FBXO31: variants seen among roughly 807,000 people sequenced by gnomAD.
FBXO31 encodes F-box only protein 31.
A neutral mutation model predicts 54.4 loss-of-function variants in FBXO31; 24 were observed. The ratio of observed to expected loss-of-function variants is 0.44; its 90% CI spans 0.32 to 0.62. The LOEUF (loss-of-function observed/expected upper bound fraction) is 0.62, where lower values mean the gene tolerates loss of function less well. Ranked by LOEUF, FBXO31 falls within the 20% of genes least tolerant of loss-of-function variation. The pLI, the probability that FBXO31 is intolerant of heterozygous loss-of-function variation, is 0.05. For synonymous variants in FBXO31, 388 were observed against 335.6 expected, an observed-to-expected ratio of 1.16 and a Z score of -1.71; for missense variants, 665 against 787.1, an observed-to-expected ratio of 0.84 and a Z score of 1.86.
chr16:87,367,764 C>G (rs1466224938), intron 1 of FBXO31: 1 of 152,152 alleles, frequency 6.6e-6, no homozygotes, highest in Non-Finnish European at 1.5e-5. Flanking sequence ...GCGCCAACGG[C>G]CAGATGGGTG....
intron 2 of FBXO31, among the ~76,000 whole-genome samples, chr16:87,356,354 T>A (rs1359620359): frequency 1.3e-5 from 2 of 152,182 alleles, no homozygotes; most frequent in Admixed American, 6.5e-5. Context: ...CCTCACTGAC[T>A]GCTCAGAGGA....
intron 1 of FBXO31, among the ~76,000 whole-genome samples, chr16:87,372,732 CT>C (rs540984671): frequency 0.064 from 8,291 of 129,664 alleles, 726 homozygotes; most frequent in African/African-American, 0.23. Flanking sequence ...GGTTAATTTC[CT>C]TTTTTTTTTT....
chr16:87,385,629 GT>G (rs1235022986), upstream of FBXO31, among the ~76,000 whole-genome samples: 1 of 152,208 alleles, frequency 6.6e-6, no homozygotes, highest in Non-Finnish European at 1.5e-5. Flanking sequence ...ATGATCAAAG[GT>G]TCTTTGAGGA....
In FBXO31 at chr16:87,358,057, T is replaced by C. The variant is rs1054365111; in HGVS notation, c.412+2238A>G. Among the ~76,000 whole-genome samples, 1 of 152,240 alleles carries C rather than the reference T, an allele frequency of 6.6e-6. No individual in the cohort carries two copies. Among genetic ancestry groups the C allele is most frequent in the Admixed American group, 6.5e-5 (1 of 15,280 alleles). On this transcript the variant is annotated intron_variant, in intron 2 of 8. Transcript: ENST00000311635. This position sits in a 1 kb window ranked among gnomAD's most constrained non-coding sequence, Gnocchi z 4.0. ...GAAGTCAAATATTCATATTTCACTTTAGAATAAAATTTTAAAGCTTCTACT... is the reference window on the plus strand; with the variant it reads ...GAAGTCAAATATTCATATTTCACTTCAGAATAAAATTTTAAAGCTTCTACT...
intron 3 of FBXO31, among the ~76,000 whole-genome samples, chr16:87,344,330 C>G (rs922514613): frequency 1.3e-5 from 2 of 152,244 alleles, no homozygotes; most frequent in African/African-American, 4.8e-5. Flanking sequence ...CCGGGAGGGG[C>G]GCTCAGGAGC....
chr16:87,332,313 G>T (rs1904886521), intron 8 of FBXO31, among the ~76,000 whole-genome samples: 1 of 152,186 alleles, frequency 6.6e-6, no homozygotes, highest in Non-Finnish European at 1.5e-5. Context: ...AAACTAGACA[G>T]GGAAGGGCCC....
upstream of FBXO31, chr16:87,391,983 G>A (rs895361377): frequency 1.8e-5 from 3 of 162,276 alleles, no homozygotes; most frequent in East Asian, 5.3e-4. Flanking sequence ...CCCGCCTGTG[G>A]CTCAGCCTCC....
intron 1 of FBXO31, among the ~76,000 whole-genome samples, chr16:87,365,133 C>T (rs964599418): frequency 4.8e-5 from 7 of 147,054 alleles, no homozygotes; most frequent in African/African-American, 5.1e-5. Context: ...TGCTTTAAGG[C>T]GAGATTCAAA....
chr16:87,360,425 G>T, intron 1 of FBXO31, 59 bp from the exon 2 acceptor site: 1 of 1,498,884 alleles, frequency 6.7e-7, no homozygotes, highest in South Asian at 1.1e-5. Flanking sequence ...CGACAGACGT[G>T]GGCAGGCTGC....
Position 87,351,547 on chromosome 16 carries a change from C to T in FBXO31, c.413-4297G>A, listed in dbSNP as rs1031973181. On this transcript the variant is annotated intron_variant, in intron 2 of 8. Coordinates refer to ENST00000311635, the MANE Select transcript of FBXO31 (RefSeq NM_024735.5). ...TCGAGGGCTCACTTCTGGGCAGCTG[C>T]CACATTATCTTCCCATATGAAATAG... 2.6e-5 allele frequency among the ~76,000 whole-genome samples: 4 copies of T among 152,220 alleles called. No homozygotes were observed. In the South Asian group the frequency reaches 8.3e-4, roughly 32 times the overall value.
chr16:87,371,632 G>C (rs964101472), intron 1 of FBXO31, among the ~76,000 whole-genome samples: 1 of 152,278 alleles, frequency 6.6e-6, no homozygotes, highest in Non-Finnish European at 1.5e-5. Flanking sequence ...GGACACACTT[G>C]TTTTTTGAGA....
intron 1 of FBXO31, among the ~76,000 whole-genome samples, chr16:87,379,613 T>C (rs1906984244): frequency 6.6e-6 from 1 of 152,198 alleles, no homozygotes; most frequent in Non-Finnish European, 1.5e-5. Flanking sequence ...GGAAGTCACC[T>C]AGCTGCTCTT....
intron 1 of FBXO31, among the ~76,000 whole-genome samples, chr16:87,376,887 G>C (rs1049267449): frequency 9.8e-5 from 15 of 152,288 alleles, no homozygotes; most frequent in South Asian, 2.1e-4. Context: ...TGAAGTTTCA[G>C]GGCTCAGAAA....
At chr16:87,361,424 C>G (rs1216219219) in intron 1 of FBXO31, among the ~76,000 whole-genome samples, 1 of 152,206 alleles carries the variant, frequency 6.6e-6, no homozygotes, top group African/African-American at 2.4e-5. Context: ...GGCTGGGTCT[C>G]CACATGGACC....
upstream of FBXO31, among the ~76,000 whole-genome samples, chr16:87,388,511 A>G (rs1907403802): frequency 6.6e-6 from 1 of 152,208 alleles, no homozygotes; most frequent in Non-Finnish European, 1.5e-5. Flanking sequence ...CAGAAAGAGG[A>G]GAGGAGGGAG....
chr16:87,334,630 C>T (rs1904984547), intron 7 of FBXO31, among the ~76,000 whole-genome samples: 1 of 152,248 alleles, frequency 6.6e-6, no homozygotes, highest in South Asian at 2.1e-4. Context: ...ATGCGTCAGC[C>T]CCAAAACTCC....
At chr16:87,368,095 T>A (rs1360556808) in intron 1 of FBXO31, 1 of 152,170 alleles carries the variant, frequency 6.6e-6, no homozygotes, top group Non-Finnish European at 1.5e-5. Flanking sequence ...TAATACCAAG[T>A]AGGAGATGAA....
rs1378178141 is a variant in FBXO31, at chr16:87,335,996, G to C, written c.842+159C>G. On this transcript the variant is annotated intron_variant, in intron 6 of 8. Coordinates refer to ENST00000311635, the MANE Select transcript of FBXO31 (RefSeq NM_024735.5). The surrounding 1 kb of genome is among the most constrained non-coding windows in gnomAD (Gnocchi z 5.7). Reference sequence around the variant, plus strand: ...GCGAACTATGCTCCAAGCACCCAGAGAGAGAGGGGCTGTACTCCCAGCCCC... The same window carrying C: ...GCGAACTATGCTCCAAGCACCCAGACAGAGAGGGGCTGTACTCCCAGCCCC... Among the ~76,000 whole-genome samples, 1 of 152,094 alleles carries C rather than the reference G, an allele frequency of 6.6e-6. No individual in the cohort carries two copies. Among genetic ancestry groups the C allele is most frequent in the Non-Finnish European group, 1.5e-5 (1 of 68,002 alleles).
intron 2 of FBXO31, among the ~76,000 whole-genome samples, chr16:87,347,924 C>G (rs1406636054): frequency 6.6e-6 from 1 of 152,168 alleles, no homozygotes; most frequent in Non-Finnish European, 1.5e-5. Context: ...TAAAGCTATC[C>G]CAACAATGAC....
Sources: gnomAD v4.1 joint callset for allele counts (sites outside exome capture counted in the v4.1 genomes callset) on GRCh38, gnomAD v4.1.1 for gene constraint, Gnocchi (gnomAD v3.1) non-coding constraint, MANE v1.5 for transcripts, NCBI Gene and HGNC (gene_info 2026-07-23, HGNC 2026-07-21) for gene names.